DCC: variants seen among roughly 807,000 people sequenced by gnomAD.
DCC encodes netrin receptor DCC.
A neutral mutation model predicts 172.5 loss-of-function variants in DCC; 58 were observed. That is an observed-to-expected ratio of 0.34 (90% CI 0.27 to 0.42). The LOEUF is 0.42. Among genes scored for constraint, DCC ranks in the 10% least tolerant of loss-of-function variants. The pLI, the probability that DCC is intolerant of heterozygous loss-of-function variation, is 1.00. For synonymous variants in DCC, 709 were observed against 644.5 expected, an observed-to-expected ratio of 1.10 and a Z score of -1.52; for missense variants, 1,740 against 1,791.0, an observed-to-expected ratio of 0.97 and a Z score of 0.51.
At chr18:53,162,509 T>C (rs967966056) in intron 8 of DCC, among the ~76,000 whole-genome samples, 3 of 152,182 alleles carry the variant, frequency 2.0e-5, no homozygotes, top group African/African-American at 7.2e-5. Flanking sequence ...ACTGTTTTTC[T>C]CATTCACAGA....
At chr18:52,642,026 A>G (rs1345321836) in intron 1 of DCC, among the ~76,000 whole-genome samples, 385 of 10,770 alleles carry the variant, frequency 0.036, 8 homozygotes, top group South Asian at 0.11. Flanking sequence ...ATATATATAT[A>G]TATATATATA....
In DCC at chr18:52,621,734, G is replaced by A. The variant is rs369039207; in HGVS notation, c.92-130320G>A. ...GATTCCCATCTGGACACAACTCAAA[G>A]TGTGAACTCGAATGTTTACAAGTCT... On this transcript the variant is annotated intron_variant, in intron 1 of 28. Coordinates refer to ENST00000442544, the MANE Select transcript of DCC (RefSeq NM_005215.4). Among the ~76,000 whole-genome samples, 171 of 152,312 alleles carry A rather than the reference G, an allele frequency of 1.1e-3. 1 individual carries two copies. Among genetic ancestry groups the A allele is most frequent in the African/African-American group, 3.8e-3 (159 of 41,576 alleles).
At chr18:52,638,369 T>G (rs549921406) in intron 1 of DCC, among the ~76,000 whole-genome samples, 29 of 152,174 alleles carry the variant, frequency 1.9e-4, no homozygotes, top group African/African-American at 7.0e-4. Flanking sequence ...GTAAATGGCT[T>G]AAATGCTCCA....
intron 11 of DCC, among the ~76,000 whole-genome samples, chr18:53,210,890 G>GT (rs1360677955): frequency 2.6e-5 from 4 of 151,658 alleles, no homozygotes; most frequent in African/African-American, 9.7e-5. Context: ...TATTTTCTGA[G>GT]TAGAAACCTT....
Position 52,702,177 on chromosome 18 carries a change from A to C in DCC, c.92-49877A>C, listed in dbSNP as rs143702066. On this transcript the variant is annotated intron_variant, in intron 1 of 28. Coordinates refer to ENST00000442544, the MANE Select transcript of DCC (RefSeq NM_005215.4). The stretch of plus-strand genomic sequence containing the variant: ...TTCTTTCTGCGAAACTGGATTCTTC[A>C]GCCTCTTTTCTTTGGCCTCCCTGCT... 4.5e-3 allele frequency among the ~76,000 whole-genome samples: 688 copies of C among 152,240 alleles called. 7 individuals carry two copies. The highest frequency in any genetic ancestry group is 0.037 in the Middle Eastern group (11 of 294).
chr18:53,067,898 T>C (rs1251543448), intron 7 of DCC, among the ~76,000 whole-genome samples: 2 of 152,206 alleles, frequency 1.3e-5, no homozygotes, highest in Non-Finnish European at 2.9e-5. Context: ...AAAATGTGCC[T>C]ATTAAGTCCT....
intron 12 of DCC, among the ~76,000 whole-genome samples, chr18:53,269,636 A>G (rs2056725510): frequency 6.6e-6 from 1 of 152,166 alleles, no homozygotes; most frequent in Admixed American, 6.5e-5. Flanking sequence ...TAAGTCGTCT[A>G]TGTATATTGT....
intron 3 of DCC, among the ~76,000 whole-genome samples, chr18:52,918,700 A>G (rs1345798069): frequency 1.3e-5 from 2 of 152,186 alleles, no homozygotes; most frequent in South Asian, 4.1e-4. Flanking sequence ...AAATATAAAT[A>G]TACTTTCTTA....
chr18:52,839,074 A>G (rs11873747), intron 2 of DCC, among the ~76,000 whole-genome samples: 3,737 of 152,274 alleles, frequency 0.025, 135 homozygotes, highest in African/African-American at 0.082. Context: ...AGTTTAGGCC[A>G]CATTGTAGAG....
At chr18:52,784,590 T>C (rs2037616988) in intron 2 of DCC, among the ~76,000 whole-genome samples, 1 of 152,100 alleles carries the variant, frequency 6.6e-6, no homozygotes, top group Admixed American at 6.6e-5. Context: ...ATTTTTTGTC[T>C]TTTTGTTAAT....
chr18:53,135,414 C>T (rs558396417), intron 7 of DCC, among the ~76,000 whole-genome samples: 20 of 152,240 alleles, frequency 1.3e-4, no homozygotes, highest in South Asian at 8.3e-4. Flanking sequence ...CAGCAAAAAA[C>T]ATGTATATTT....
intron 2 of DCC, among the ~76,000 whole-genome samples, chr18:52,777,333 C>T (rs537561981): frequency 6.6e-6 from 1 of 152,054 alleles, no homozygotes; most frequent in East Asian, 1.9e-4. Flanking sequence ...TCAGGCCTTG[C>T]CTTCTCAGGC....
At chr18:53,257,958 G>A (rs896359241) in intron 12 of DCC, among the ~76,000 whole-genome samples, 28 of 152,138 alleles carry the variant, frequency 1.8e-4, no homozygotes, top group Non-Finnish European at 3.7e-4. Flanking sequence ...ATGTGTGGAG[G>A]CATTTATCCA....
At chr18:52,474,584 G>A (rs1598847063) in intron 1 of DCC, among the ~76,000 whole-genome samples, 2 of 152,324 alleles carry the variant, frequency 1.3e-5, no homozygotes, top group African/African-American at 2.4e-5. Context: ...ACTCACTGAG[G>A]TTGTGACTTC....
intron 1 of DCC, among the ~76,000 whole-genome samples, chr18:52,702,870 A>C (rs1198581807): frequency 1.3e-5 from 2 of 152,126 alleles, no homozygotes; most frequent in East Asian, 3.9e-4. Context: ...CCTCCATATT[A>C]GAATATGCAT....
chr18:52,538,784 C>A (rs2032356159), intron 1 of DCC, among the ~76,000 whole-genome samples: 1 of 151,868 alleles, frequency 6.6e-6, no homozygotes. Context: ...TTTCTTTTAA[C>A]CTTGATTGCA....
intron 15 of DCC, among the ~76,000 whole-genome samples, chr18:53,380,917 G>T (rs1907679722): frequency 6.6e-6 from 1 of 152,144 alleles, no homozygotes; most frequent in Non-Finnish European, 1.5e-5. Context: ...CAGCATAGTA[G>T]GTATTGGTGA....
In DCC at chr18:53,261,152, G is replaced by A. The variant is rs919178605; in HGVS notation, c.1912-44426G>A. Among the ~76,000 whole-genome samples, 15 of 152,106 alleles carry A rather than the reference G, an allele frequency of 9.9e-5. 1 individual carries two copies. Among genetic ancestry groups the A allele is most frequent in the Non-Finnish European group, 1.3e-4 (9 of 68,022 alleles). ...AATTGCCTGACCCCTTGCACTTCCCGGGTGAGGTGATGCCTCGCCCTGCTT... is the reference window on the plus strand; with the variant it reads ...AATTGCCTGACCCCTTGCACTTCCCAGGTGAGGTGATGCCTCGCCCTGCTT... On this transcript the variant is annotated intron_variant, in intron 12 of 28. Transcript: ENST00000442544.
At chr18:52,918,037 C>A (rs1242442888) in intron 3 of DCC, among the ~76,000 whole-genome samples, 1 of 151,898 alleles carries the variant, frequency 6.6e-6, no homozygotes, top group Non-Finnish European at 1.5e-5. Context: ...TTTCTAGGAC[C>A]CACGCTTATA....
Sources: allele counts gnomAD v4.1 joint callset (sites outside exome capture counted in the v4.1 genomes callset), GRCh38; gene constraint gnomAD v4.1.1; transcripts MANE v1.5; gene names NCBI Gene and HGNC (gene_info 2026-07-23, HGNC 2026-07-21).